Variants in MAGI3 observed in about 807,000 individuals in gnomAD.
The protein encoded by MAGI3 is membrane associated guanylate kinase, WW and PDZ domain containing 3.
Under a neutral mutation model 121.8 loss-of-function variants are expected in MAGI3, and 43 were observed. The observed-to-expected ratio is 0.35, with a 90% confidence interval of 0.28 to 0.46. MAGI3 has a LOEUF of 0.46. Ranked by LOEUF, MAGI3 falls within the 20% of genes least tolerant of loss-of-function variation. MAGI3 has a pLI of 1.00. For missense variants in MAGI3, 1,547 were observed against 1,797.3 expected, an observed-to-expected ratio of 0.86 and a Z score of 2.52; for synonymous variants, 553 against 639.3, an observed-to-expected ratio of 0.86 and a Z score of 2.04.
chr1:113,651,239 A>C, intron 14 of MAGI3, 33 bp downstream of exon 14: 1 of 1,561,660 alleles, frequency 6.4e-7, no homozygotes, highest in Non-Finnish European at 8.7e-7. Context: ...TGAAAAGTTA[A>C]AAAAGAAACA....
chr1:113,646,794 C>A, intron 12 of MAGI3, 152 bp downstream of exon 12: 1 of 577,982 alleles, frequency 1.7e-6, no homozygotes, highest in Non-Finnish European at 2.7e-6. Flanking sequence ...CATGTATATT[C>A]GACATTCACA....
At chr1:113,602,406 A>AT (rs1294867355) in intron 6 of MAGI3, among the ~76,000 whole-genome samples, 1 of 152,174 alleles carries the variant, frequency 6.6e-6, no homozygotes, top group Non-Finnish European at 1.5e-5. Context: ...TGTTAAAATT[A>AT]TTTGAAATGA....
At chr1:113,481,766 A>G (rs1248291879) in intron 1 of MAGI3, among the ~76,000 whole-genome samples, 2 of 152,216 alleles carry the variant, frequency 1.3e-5, no homozygotes, top group African/African-American at 2.4e-5. Context: ...GTAACAAATC[A>G]CCACACATTC....
intron 1 of MAGI3, among the ~76,000 whole-genome samples, chr1:113,443,190 G>C (rs1654005405): frequency 6.6e-6 from 1 of 152,094 alleles, no homozygotes; most frequent in Admixed American, 6.6e-5. Context: ...TTTTACAGTA[G>C]TAATTTATAC....
chr1:113,489,682 G>C (rs1370521027), intron 1 of MAGI3, among the ~76,000 whole-genome samples: 1 of 152,042 alleles, frequency 6.6e-6, no homozygotes, highest in Non-Finnish European at 1.5e-5. Flanking sequence ...AAAATAGCTA[G>C]TATAGAAAAG....
intron 1 of MAGI3, among the ~76,000 whole-genome samples, chr1:113,511,975 C>T (rs1657637403): frequency 6.6e-6 from 1 of 152,198 alleles, no homozygotes; most frequent in Non-Finnish European, 1.5e-5. Context: ...AACTCCCTTA[C>T]ATAACCAAAG....
At chr1:113,652,785 T>C (rs1454501759) in intron 14 of MAGI3, among the ~76,000 whole-genome samples, 1 of 152,254 alleles carries the variant, frequency 6.6e-6, no homozygotes, top group African/African-American at 2.4e-5. Context: ...TACCAAATTA[T>C]GGCAAAAAAT....
chr1:113,526,194 A>G (rs1325115668), intron 1 of MAGI3, among the ~76,000 whole-genome samples: 1 of 152,166 alleles, frequency 6.6e-6, no homozygotes, highest in Non-Finnish European at 1.5e-5. Flanking sequence ...CTAATGTTTG[A>G]AATCCAGGGA....
At chr1:113,503,335 G>C (rs1262779882) in intron 1 of MAGI3, among the ~76,000 whole-genome samples, 6 of 119,654 alleles carry the variant, frequency 5.0e-5, no homozygotes, top group Non-Finnish European at 8.6e-5. Context: ...AAAAAAAAAG[G>C]CTTAATTGAT....
At chr1:113,587,643 A>T (rs1648457469) in intron 4 of MAGI3, among the ~76,000 whole-genome samples, 1 of 152,230 alleles carries the variant, frequency 6.6e-6, no homozygotes, top group Non-Finnish European at 1.5e-5. Flanking sequence ...AAGAAAGTTA[A>T]AATGGTCATG....
intron 4 of MAGI3, among the ~76,000 whole-genome samples, chr1:113,588,544 A>G (rs1262280290): frequency 6.6e-6 from 1 of 152,190 alleles, no homozygotes; most frequent in Admixed American, 6.5e-5. Context: ...GTAACATGGT[A>G]CAACAGTTTT....
intron 9 of MAGI3, among the ~76,000 whole-genome samples, chr1:113,637,787 G>T (rs1003394461): frequency 6.6e-6 from 1 of 152,184 alleles, no homozygotes; most frequent in Non-Finnish European, 1.5e-5. Flanking sequence ...GCCTTGCTAG[G>T]TTGGGGAAGT....
At chr1:113,454,933 A>T (rs1654672454) in intron 1 of MAGI3, among the ~76,000 whole-genome samples, 1 of 152,210 alleles carries the variant, frequency 6.6e-6, no homozygotes, top group Non-Finnish European at 1.5e-5. Flanking sequence ...CATGAATCTG[A>T]AGTATGTAGT....
intron 15 of MAGI3, among the ~76,000 whole-genome samples, chr1:113,656,661 C>T (rs1571008923): frequency 6.6e-6 from 1 of 152,138 alleles, no homozygotes; most frequent in Non-Finnish European, 1.5e-5. Flanking sequence ...AGGCAATCCA[C>T]CCACCTTGGC....
chr1:113,395,750 C>T (rs558860823), intron 1 of MAGI3, among the ~76,000 whole-genome samples: 1 of 151,840 alleles, frequency 6.6e-6, no homozygotes, highest in South Asian at 2.1e-4. Flanking sequence ...CTTTATTGAT[C>T]CTGCCCTCAC....
intron 2 of MAGI3, among the ~76,000 whole-genome samples, chr1:113,572,254 G>A (rs951875307): frequency 3.3e-5 from 5 of 152,182 alleles, no homozygotes; most frequent in African/African-American, 9.6e-5. Context: ...CAACTGGATC[G>A]TGGTGGATGA....
chr1:113,470,753 G>C (rs138610078), intron 1 of MAGI3, among the ~76,000 whole-genome samples: 13 of 152,144 alleles, frequency 8.5e-5, no homozygotes, highest in Non-Finnish European at 1.8e-4. Flanking sequence ...CTGCTTCTGA[G>C]TTTGAAAATA....
intron 20 of MAGI3, among the ~76,000 whole-genome samples, chr1:113,682,030 G>A (rs1368572445): frequency 7.4e-6 from 1 of 134,326 alleles, no homozygotes; most frequent in African/African-American, 2.7e-5. Flanking sequence ...CCACCCCACC[G>A]CTTTTGAGGG....
At chr1:113,553,633 C>T (rs1659870586) in intron 2 of MAGI3, among the ~76,000 whole-genome samples, 1 of 152,002 alleles carries the variant, frequency 6.6e-6, no homozygotes, top group Non-Finnish European at 1.5e-5. Flanking sequence ...AAGCAAGACC[C>T]CAAAGGATCA....
Sources: gnomAD v4.1 joint callset for allele counts (sites outside exome capture counted in the v4.1 genomes callset) on GRCh38, gnomAD v4.1.1 for gene constraint, MANE v1.5 for transcripts, NCBI Gene and HGNC (gene_info 2026-07-23, HGNC 2026-07-21) for gene names.